The following RNF220 variants were observed in gnomAD, a reference collection of about 807,000 sequenced individuals.
RNF220 encodes the protein ring finger protein 220.
RNF220 carries 7 observed loss-of-function variants against 67.1 expected under a neutral mutation model. That is an observed-to-expected ratio of 0.10 (90% CI 0.06 to 0.20). The LOEUF is 0.20. Among genes scored for constraint, RNF220 ranks in the 10% least tolerant of loss-of-function variants. The pLI is 1.00. For missense variants in RNF220, 565 were observed against 740.3 expected, an observed-to-expected ratio of 0.76 and a Z score of 2.75; for synonymous variants, 270 against 283.2, an observed-to-expected ratio of 0.95 and a Z score of 0.47.
Position 44,562,389 on chromosome 1 carries a change from G to C in RNF220, c.626-51776G>C, listed in dbSNP as rs187559930. On this transcript the variant is annotated intron_variant, in intron 2 of 14. Transcript: ENST00000361799. Reference sequence around the variant, plus strand: ...GTCAGGGCCCGCTTGTGATGCTGAGGCTGCTGACACCTGCTCCCAGGCCTT... The same window carrying C: ...GTCAGGGCCCGCTTGTGATGCTGAGCCTGCTGACACCTGCTCCCAGGCCTT... 3.3e-3 allele frequency among the ~76,000 whole-genome samples: 509 copies of C among 152,302 alleles called. 1 individual carries two copies. The highest frequency in any genetic ancestry group is 4.6e-3 in the Non-Finnish European group (312 of 68,024).
chr1:44,597,813 T>G (rs1666630353), intron 2 of RNF220, among the ~76,000 whole-genome samples: 1 of 152,146 alleles, frequency 6.6e-6, no homozygotes, highest in South Asian at 2.1e-4. Flanking sequence ...CTTTCTCTCA[T>G]GTACACGCCT....
chr1:44,582,070 C>T (rs1665321834), intron 2 of RNF220, among the ~76,000 whole-genome samples: 1 of 152,142 alleles, frequency 6.6e-6, no homozygotes, highest in Non-Finnish European at 1.5e-5. Flanking sequence ...GATCCTTGGG[C>T]TGTTGGTTTG....
intron 2 of RNF220, among the ~76,000 whole-genome samples, chr1:44,468,844 GA>G (rs1231377794): frequency 6.6e-6 from 1 of 152,108 alleles, no homozygotes; most frequent in Non-Finnish European, 1.5e-5. Flanking sequence ...TTGAGCCTGG[GA>G]GGCGGAGGTT....
chr1:44,591,179 C>T (rs1666091084), intron 2 of RNF220, among the ~76,000 whole-genome samples: 1 of 152,206 alleles, frequency 6.6e-6, no homozygotes, highest in African/African-American at 2.4e-5. Context: ...TCTCGAACTC[C>T]TGACCTCAGA....
chr1:44,633,307 A>T (rs1021293468), intron 6 of RNF220, among the ~76,000 whole-genome samples: 6 of 152,226 alleles, frequency 3.9e-5, no homozygotes, highest in Non-Finnish European at 8.8e-5. Flanking sequence ...TGGTTTGTTT[A>T]AAAGTACACA....
At chr1:44,531,470 G>A (rs77354674) in intron 2 of RNF220, among the ~76,000 whole-genome samples, 58 of 152,284 alleles carry the variant, frequency 3.8e-4, no homozygotes, top group African/African-American at 1.4e-3. Context: ...TCTCTGATGT[G>A]TGTCCAAAGC....
intron 2 of RNF220, among the ~76,000 whole-genome samples, chr1:44,511,114 T>G (rs1658954968): frequency 6.6e-6 from 1 of 152,138 alleles, no homozygotes; most frequent in Non-Finnish European, 1.5e-5. Flanking sequence ...TGCCAGTCCA[T>G]TTTTGGAGCC....
At chr1:44,507,931 C>G (rs1387398275) in intron 2 of RNF220, among the ~76,000 whole-genome samples, 3 of 152,140 alleles carry the variant, frequency 2.0e-5, no homozygotes, top group Non-Finnish European at 4.4e-5. Context: ...TGCCTCTGCC[C>G]CCATGCTTGG....
intron 2 of RNF220, among the ~76,000 whole-genome samples, chr1:44,436,785 G>A (rs1651016525): frequency 6.6e-6 from 1 of 152,150 alleles, no homozygotes; most frequent in Admixed American, 6.5e-5. Context: ...TTGGAAACTT[G>A]GGAGATGGGG....
rs386366846 is a variant in RNF220, at chr1:44,551,119, C to CTTTTTT, written c.626-63030_626-63025dup. Among the ~76,000 whole-genome samples the CTTTTTT allele has an allele frequency of 9.5e-4, 93 of 97,474 alleles. 7 individuals carry two copies. The highest frequency in any genetic ancestry group is 1.2e-3 in the African/African-American group (28 of 23,664). The allele number at this position is 97,474 out of a possible 152,430, so 63.9% of individuals were successfully genotyped here. ...GTTTACTGTCATCTTCACTTCTTGC[C>CTTTTTT]TTTTTTTTTTTTTTTTTTTTTGAGG... On this transcript the variant is annotated intron_variant, in intron 2 of 14. Transcript: ENST00000361799.
At position 44,621,438 on chromosome 1, in the gene RNF220, T is replaced by C. The variant is rs1159610634; in HGVS notation, c.759-1304T>C. The stretch of plus-strand genomic sequence containing the variant: ...TAATTCTTTGCTGTGAGGGGCTGTC[T>C]GGTACACTGTAGGCTGTTTAACATC... On this transcript the variant is annotated intron_variant, in intron 3 of 14. Transcript: ENST00000361799. This position sits in a 1 kb window ranked among gnomAD's most constrained non-coding sequence, Gnocchi z 4.8. 1.3e-5 allele frequency among the ~76,000 whole-genome samples: 2 copies of C among 152,192 alleles called. No homozygotes were observed. Among genetic ancestry groups the C allele is most frequent in the Non-Finnish European group, 2.9e-5 (2 of 68,032 alleles).
intron 2 of RNF220, among the ~76,000 whole-genome samples, chr1:44,522,455 G>C (rs889422108): frequency 6.6e-6 from 1 of 152,218 alleles, no homozygotes; most frequent in African/African-American, 2.4e-5. Flanking sequence ...GAGCATTTGA[G>C]TTACAGAAGA....
At chr1:44,480,322 G>A (rs532004695) in intron 2 of RNF220, among the ~76,000 whole-genome samples, 4 of 152,244 alleles carry the variant, frequency 2.6e-5, no homozygotes, top group East Asian at 3.9e-4. Context: ...TGGAAGGAAC[G>A]CTTGAGCCTG....
At chr1:44,613,616 G>A (rs760627515) in intron 2 of RNF220, among the ~76,000 whole-genome samples, 2 of 152,100 alleles carry the variant, frequency 1.3e-5, no homozygotes, top group Non-Finnish European at 2.9e-5. Flanking sequence ...AAGGCCAGGC[G>A]CAGTAATCCC....
chr1:44,490,757 T>A (rs1656785226), intron 2 of RNF220, among the ~76,000 whole-genome samples: 1 of 150,984 alleles, frequency 6.6e-6, no homozygotes, highest in Non-Finnish European at 1.5e-5. Flanking sequence ...ATAAATGAAA[T>A]ATAGAATTGA....
rs1644744659 is a variant in RNF220 at position 44,649,877 on chromosome 1, C to T, written c.1555-6C>T. Reference sequence around the variant, plus strand: ...AGTGACCCCTTCTCTGCCCCCTCCTCCCTAGGACTCGTACTCGATGCCCCT... The same window carrying T: ...AGTGACCCCTTCTCTGCCCCCTCCTTCCTAGGACTCGTACTCGATGCCCCT... On this transcript the variant is annotated splice_region_variant and splice_polypyrimidine_tract_variant and intron_variant, in intron 13 of 14. Coordinates refer to ENST00000361799, the MANE Select transcript of RNF220 (RefSeq NM_018150.4). This position sits in a 1 kb window ranked among gnomAD's most constrained non-coding sequence, Gnocchi z 5.9. 9 of 1,613,916 alleles carry T rather than the reference C, an allele frequency of 5.6e-6. No homozygotes were observed. Among genetic ancestry groups the T allele is most frequent in the Non-Finnish European group, 7.6e-6 (9 of 1,179,970 alleles).
intron 2 of RNF220, among the ~76,000 whole-genome samples, chr1:44,499,858 C>T (rs1459039709): frequency 6.8e-6 from 1 of 146,146 alleles, no homozygotes; most frequent in Non-Finnish European, 1.5e-5. Context: ...TTTATCTCTA[C>T]CCTGCCCGTC....
chr1:44,555,898 G>A (rs1663042216), intron 2 of RNF220, among the ~76,000 whole-genome samples: 1 of 150,778 alleles, frequency 6.6e-6, no homozygotes, highest in Non-Finnish European at 1.5e-5. Flanking sequence ...CAGCTAAAGT[G>A]ATACACCCTT....
At chr1:44,468,747 CTACAAAAAAA>C (rs368842182) in intron 2 of RNF220, among the ~76,000 whole-genome samples, 30 of 151,824 alleles carry the variant, frequency 2.0e-4, no homozygotes, top group African/African-American at 7.0e-4. Flanking sequence ...AACTCGGTCT[CTACAAAAAAA>C]TACAAAAAAA....
Sources: gnomAD v4.1 joint callset for allele counts (sites outside exome capture counted in the v4.1 genomes callset) on GRCh38, gnomAD v4.1.1 for gene constraint, Gnocchi (gnomAD v3.1) non-coding constraint, MANE v1.5 for transcripts, NCBI Gene and HGNC (gene_info 2026-07-23, HGNC 2026-07-21) for gene names.